LRP10: variants seen among roughly 807,000 people sequenced by gnomAD.
The protein encoded by LRP10 is LDL receptor related protein 10, also known as low-density lipoprotein receptor-related protein 10.
Under a neutral mutation model 58.5 loss-of-function variants are expected in LRP10, and 42 were observed. The ratio of observed to expected loss-of-function variants is 0.72; its 90% CI spans 0.56 to 0.93. LRP10 has a LOEUF of 0.93. LRP10 is among the 40% of genes least tolerant of loss of function. The pLI, the probability that LRP10 is intolerant of heterozygous loss-of-function variation, is 0.00. For synonymous variants in LRP10, 377 were observed against 388.5 expected (o/e 0.97, Z 0.35); for missense variants, 872 against 940.1 (o/e 0.93, Z 0.95).
chr14:22,873,590 T>C, intron 3 of LRP10, 144 bp downstream of exon 3: 1 of 1,040,054 alleles, frequency 9.6e-7, no homozygotes. Context: ...AATGGCGCGA[T>C]CTCAGCTCAC....
Position 22,875,909 on chromosome 14 carries a change from C to T in LRP10, c.961C>T (p.Leu321=), listed in dbSNP as rs1418932424. 3.7e-6 allele frequency: 6 copies of T among 1,613,578 alleles called. No homozygotes were observed. ...CAGACCCTGTGGCTTAGGCTCTGGCCTGGGAGCTGGCGAAGGCCTAGGTGA... is the reference window on the plus strand; with the variant it reads ...CAGACCCTGTGGCTTAGGCTCTGGCTTGGGAGCTGGCGAAGGCCTAGGTGA... ...WDRPCGLGSG[L]GAGEGLGERC... The change falls in exon 5 of 7, where the codon CTG becomes TTG. Residue 321 remains leucine (L), a synonymous_variant. Coordinates refer to ENST00000359591, the MANE Select transcript of LRP10 (RefSeq NM_014045.5).
chr14:22,875,403 G>A lies in LRP10; in HGVS notation c.455G>A (p.Cys152Tyr). ...QEEFQCLNHR[C>Y]VSAVQRCDGV... is the part of the protein sequence containing the mutation. ...GAGTTTCAGTGCCTGAACCACCGCT[G>A]TGTATCTGCTGTCCAGCGCTGTGAT... The change falls in exon 5 of 7, where the codon TGT becomes TAT. Residue 152 changes from cysteine to tyrosine, a missense_variant. Cys to Tyr is a radical substitution (Grantham distance 194). Coordinates refer to ENST00000359591, the MANE Select transcript of LRP10 (RefSeq NM_014045.5). The A allele has an allele frequency of 6.2e-7, 1 of 1,614,132 alleles. No homozygotes were observed. Among genetic ancestry groups the A allele is most frequent in the African/African-American group, 1.3e-5 (1 of 75,052 alleles).
rs772610337 is a variant in LRP10, at chr14:22,877,080, G to T, written c.1695G>T (p.Leu565Phe). 1.2e-6 allele frequency: 2 copies of T among 1,613,728 alleles called. No homozygotes were observed. Among genetic ancestry groups the T allele is most frequent in the East Asian group, 2.2e-5 (1 of 44,888 alleles). Residue 565 changes from leucine (L) to phenylalanine (F), a missense_variant, in exon 7 of 7, where the codon TTG (leucine) becomes TTT (phenylalanine). Physicochemically the swap from Leu to Phe is conservative, Grantham distance 22 (BLOSUM62 0). Coordinates refer to ENST00000359591, the MANE Select transcript of LRP10 (RefSeq NM_014045.5). This position sits in a 1 kb window ranked among gnomAD's most constrained non-coding sequence, Gnocchi z 5.1. Reference protein sequence around the residue: ...RLVRRLRRWGLLPRTNTPARA... With the variant: ...RLVRRLRRWGFLPRTNTPARA... ...TACGCCGTCTCCGCCGCTGGGGCTT[G>T]CTCCCTCGAACCAACACCCCGGCTC... is the stretch of plus-strand genomic sequence containing the variant.
At chr14:22,872,908 T>C (rs1242023783) in intron 2 of LRP10, 126 bp downstream of exon 2, 1 of 956,676 alleles carries the variant, frequency 1.0e-6, no homozygotes, top group Non-Finnish European at 1.6e-6. Context: ...TTAGCCTTTA[T>C]TTATAGATAA....
chr14:22,877,183 C>T lies in LRP10; in HGVS notation c.1798C>T (p.Arg600Cys), dbSNP rs200934713. ...CCTAGATGGTGGCACAGGTCCAGCC[C>T]GTGAGGGCGGGGCAGTGGGTGGGCA... The part of the protein sequence containing the change: ...EALDGGTGPA[R>C]EGGAVGGQDG... Residue 600 changes from arginine (R) to cysteine (C), a missense_variant, in exon 7 of 7, where the codon CGT (arginine) becomes TGT (cysteine). Physicochemically the swap from Arg to Cys is radical, Grantham distance 180. Coordinates refer to ENST00000359591, the MANE Select transcript of LRP10 (RefSeq NM_014045.5). The surrounding 1 kb of genome is among the most constrained non-coding windows in gnomAD (Gnocchi z 5.1). The T allele has an allele frequency of 5.8e-5, 93 of 1,596,958 alleles. No individual in the cohort carries two copies. In the South Asian group the frequency reaches 7.5e-4, roughly 13 times the overall value.
Position 22,877,356 on chromosome 14 carries a change from C to G in LRP10, c.1971C>G (p.Ala657=). ...CACTATTGTCTGGAGTGGTGCAGGC[C>G]CTGCGAGGCCGCCTGTTGCCCAGCC... is the stretch of plus-strand genomic sequence containing the variant. ...EPSLLSGVVQ[A]LRGRLLPSLG... is the part of the protein sequence containing the mutation. The change falls in exon 7 of 7, where the codon GCC becomes GCG. Residue 657 remains alanine (A), a synonymous_variant. Transcript: ENST00000359591. This position sits in a 1 kb window ranked among gnomAD's most constrained non-coding sequence, Gnocchi z 5.1. 6.2e-7 allele frequency: 1 copy of G among 1,613,266 alleles called. No homozygotes were observed. Among genetic ancestry groups the G allele is most frequent in the Non-Finnish European group, 8.5e-7 (1 of 1,179,666 alleles).
Position 22,875,136 on chromosome 14 carries a change from G to A in LRP10, c.297G>A (p.Glu99=). The part of the protein sequence containing the change: ...SPLQPLISLC[E]APPSPLQLPG... ...TCCAGCCACTGATCTCCCTGTGTGA[G>A]GCACCTCCCAGCCCTCTGCAGCTGC... The change falls in exon 4 of 7, where the codon GAG becomes GAA. Residue 99 remains glutamate (E), a synonymous_variant. Transcript: ENST00000359591. The A allele has an allele frequency of 1.9e-6, 3 of 1,613,564 alleles. No homozygotes were observed. The highest frequency in any genetic ancestry group is 2.5e-6 in the Non-Finnish European group (3 of 1,179,798).
chr14:22,876,187 T>A lies in LRP10; in HGVS notation c.1239T>A (p.Tyr413Ter), dbSNP rs1289388046. 6.2e-7 allele frequency: 1 copy of A among 1,614,172 alleles called. No homozygotes were observed. The highest frequency in any genetic ancestry group is 8.5e-7 in the Non-Finnish European group (1 of 1,180,020). The change falls in exon 5 of 7, where the codon TAT becomes TAA. Residue 413 changes from tyrosine (Y) to a stop codon, truncating the protein, a stop_gained. Coordinates refer to ENST00000359591, the MANE Select transcript of LRP10 (RefSeq NM_014045.5). LOFTEE classifies it high-confidence loss of function. ...NFRCRDEKCV[Y>*]ETWVCDGQPD... is the part of the protein sequence containing the mutation. ...GATGCCGGGACGAGAAGTGCGTGTA[T>A]GAGACGTGGGTGTGCGATGGGCAGC...
intron 4 of LRP10, 35 bp downstream of exon 4, chr14:22,875,280 T>G: frequency 6.3e-7 from 1 of 1,580,762 alleles, no homozygotes; most frequent in Non-Finnish European, 8.6e-7. Context: ...GAGCAGGCAG[T>G]GAAAGCCCCA....
rs140115221 is a variant in LRP10, at chr14:22,876,808, A to C, written c.1544A>C (p.Asn515Thr). 3.1e-6 allele frequency: 5 copies of C among 1,613,560 alleles called. No homozygotes were observed. The African/African-American group carries it at 6.7e-5, about 22-fold the overall frequency. The change falls in exon 6 of 7, where the codon AAT becomes ACT. Residue 515 changes from asparagine to threonine, a missense_variant. Transcript: ENST00000359591. ...IPPVEDFPTE[N>T]PNDNSVLGNL... ...CCTGTAGAAGACTTTCCTACAGAGAATCCTAATGATGTAAGTCACTCCCCA... is the reference window on the plus strand; with the variant it reads ...CCTGTAGAAGACTTTCCTACAGAGACTCCTAATGATGTAAGTCACTCCCCA...
At position 22,879,143 on chromosome 14, in the gene LRP10, C is replaced by T. The variant is rs1048050042; in HGVS notation, c.*1616C>T. 2.0e-5 allele frequency: 9 copies of T among 456,424 alleles called. No individual in the cohort carries two copies. The highest frequency in any genetic ancestry group is 4.0e-5 in the Non-Finnish European group (9 of 226,752). The allele number at this position is 456,424 out of a possible 1,614,324, so 28.3% of individuals were successfully genotyped here. A position where few individuals can be genotyped will look rare whatever the true frequency, so the allele number is the denominator to read the frequency against. On this transcript the variant is annotated 3_prime_UTR_variant, in exon 7 of 7. Transcript: ENST00000359591. The stretch of plus-strand genomic sequence containing the variant: ...CCTGGTGGAGAGGCCCTGTTGATTA[C>T]ACCCTGTCAGCCTCCTCAAACCCAG...
chr14:22,872,682 G>A (rs1193539292), intron 1 of LRP10, 56 bp from the exon 2 acceptor site: 1 of 1,580,546 alleles, frequency 6.3e-7, no homozygotes, highest in Non-Finnish European at 8.7e-7. Context: ...CTCAGGTGAA[G>A]AAGAAAACTC....
At position 22,877,066 on chromosome 14, in the gene LRP10, C is replaced by T. The variant is rs1217350615; in HGVS notation, c.1681C>T (p.Arg561Cys). The change falls in exon 7 of 7, where the codon CGC (arginine) becomes TGC (cysteine). Residue 561 changes from arginine (R) to cysteine (C), a missense_variant. By Grantham distance (180) the Arg-to-Cys change is radical. Transcript: ENST00000359591. The surrounding 1 kb of genome is among the most constrained non-coding windows in gnomAD (Gnocchi z 5.1). ...GATGCGACGCCTGGTACGCCGTCTCCGCCGCTGGGGCTTGCTCCCTCGAAC... is the reference window on the plus strand; with the variant it reads ...GATGCGACGCCTGGTACGCCGTCTCTGCCGCTGGGGCTTGCTCCCTCGAAC... ...RLMRRLVRRL[R>C]RWGLLPRTNT... is the part of the protein sequence containing the mutation. 3.7e-6 allele frequency: 6 copies of T among 1,613,736 alleles called. No homozygotes were observed. The highest frequency in any genetic ancestry group is 3.3e-5 in the South Asian group (3 of 91,058).
At chr14:22,872,434 A>G in intron 1 of LRP10, 97 bp downstream of exon 1, 1 of 1,454,890 alleles carries the variant, frequency 6.9e-7, no homozygotes, top group Admixed American at 1.7e-5. Context: ...CTGCCTGCCC[A>G]TTCCCCCCAG....
chr14:22,875,033 C>A, intron 3 of LRP10, 22 bp from the exon 4 acceptor site: 1 of 1,498,270 alleles, frequency 6.7e-7, no homozygotes, highest in South Asian at 1.4e-5. Flanking sequence ...ATCTCATGTC[C>A]TGCTCTCCTC....
Position 22,877,388 on chromosome 14 carries a change from C to T in LRP10, c.2003C>T (p.Pro668Leu). 1.2e-6 allele frequency: 2 copies of T among 1,613,776 alleles called. No homozygotes were observed. Among genetic ancestry groups the T allele is most frequent in the Non-Finnish European group, 1.7e-6 (2 of 1,179,848 alleles). Reference sequence around the variant, plus strand: ...GGCCGCCTGTTGCCCAGCCTGGGGCCCCCAGGACCAACCCGGAGCCCCCCT... The same window carrying T: ...GGCCGCCTGTTGCCCAGCCTGGGGCTCCCAGGACCAACCCGGAGCCCCCCT... ...LRGRLLPSLGPPGPTRSPPGP... is the reference protein window; with the variant it reads ...LRGRLLPSLGLPGPTRSPPGP... Residue 668 changes from proline (P) to leucine (L), a missense_variant, in exon 7 of 7, where the codon CCC becomes CTC. By Grantham distance (98) the Pro-to-Leu change is moderately conservative. Coordinates refer to ENST00000359591, the MANE Select transcript of LRP10 (RefSeq NM_014045.5). The surrounding 1 kb of genome is among the most constrained non-coding windows in gnomAD (Gnocchi z 5.1).
intron 1 of LRP10, 138 bp from the exon 2 acceptor site, chr14:22,872,600 G>C: frequency 1.2e-6 from 1 of 822,540 alleles, no homozygotes; most frequent in Non-Finnish European, 1.9e-6. Context: ...GTCCCACGCC[G>C]CAGCCCTCTC....
Position 22,876,378 on chromosome 14 carries a change from T to A in LRP10, c.1424+6T>A. ...ATTCGCACCCAGGAGTACAGGTCAG[T>A]GGGAGTGGGGCTGGCAGTAGAAGAG... On this transcript the variant is annotated splice_donor_region_variant and intron_variant, in intron 5 of 6. Transcript: ENST00000359591. 6.2e-7 allele frequency: 1 copy of A among 1,611,762 alleles called. No homozygotes were observed. The highest frequency in any genetic ancestry group is 1.1e-5 in the South Asian group (1 of 91,000).
At chr14:22,876,874 G>A (rs531476968) in intron 6 of LRP10, 56 bp downstream of exon 6, 42 of 1,596,046 alleles carry the variant, frequency 2.6e-5, no homozygotes, top group African/African-American at 2.0e-4. Context: ...CTGTGGCCCC[G>A]CCCCTGTACC....
Sources: allele counts gnomAD v4.1 joint callset, GRCh38; gene constraint gnomAD v4.1.1; non-coding constraint Gnocchi (gnomAD v3.1); transcripts MANE v1.5; gene names NCBI Gene and HGNC (gene_info 2026-07-23, HGNC 2026-07-21).